Variants in GPRC5B observed in about 807,000 individuals in gnomAD.
GPRC5B encodes G protein-coupled receptor class C group 5 member B.
GPRC5B carries 16 observed loss-of-function variants against 30.1 expected under a neutral mutation model. That is an observed-to-expected ratio of 0.53 (90% CI 0.36 to 0.81). The LOEUF is 0.81. Ranked by LOEUF, GPRC5B falls within the 30% of genes least tolerant of loss-of-function variation. The pLI is 0.01. For missense variants in GPRC5B, 428 were observed against 544.7 expected, an observed-to-expected ratio of 0.79 and a Z score of 2.13; for synonymous variants, 241 against 239.5, an observed-to-expected ratio of 1.01 and a Z score of -0.06.
At position 19,857,392 on chromosome 16, in the gene GPRC5B, T is replaced by A; in HGVS notation, c.*3108A>T. 2.3e-6 allele frequency: 1 copy of A among 426,102 alleles called. No individual in the cohort carries two copies. Among genetic ancestry groups the A allele is most frequent in the Admixed American group, 3.0e-5 (1 of 33,004 alleles). The allele number at this position is 426,102 out of a possible 1,614,324, so 26.4% of individuals were successfully genotyped here. ...TTACAGCCTTTTAAATTTGTAATATTTATATAGTCGTTTATGGTACATATT... is the reference window on the plus strand; with the variant it reads ...TTACAGCCTTTTAAATTTGTAATATATATATAGTCGTTTATGGTACATATT... On this transcript the variant is annotated 3_prime_UTR_variant, in exon 4 of 4. Coordinates refer to ENST00000300571, the MANE Select transcript of GPRC5B (RefSeq NM_016235.3).
chr16:19,864,603 A>T (rs2056652195), intron 2 of GPRC5B, among the ~76,000 whole-genome samples: 2 of 152,268 alleles, frequency 1.3e-5, no homozygotes, highest in Admixed American at 1.3e-4. Flanking sequence ...TGAGCATGTC[A>T]AGGATGGACT....
chr16:19,869,986 G>A (rs1365078079), intron 2 of GPRC5B, among the ~76,000 whole-genome samples: 2 of 152,112 alleles, frequency 1.3e-5, no homozygotes, highest in Admixed American at 1.3e-4. Flanking sequence ...GAGGTGGGAG[G>A]ACTGCTTGGG....
chr16:19,865,289 T>G (rs2056657368), intron 2 of GPRC5B, among the ~76,000 whole-genome samples: 1 of 152,150 alleles, frequency 6.6e-6, no homozygotes, highest in Non-Finnish European at 1.5e-5. Context: ...CACCCAAGGT[T>G]GCTGAAGAGG....
chr16:19,873,379 G>C (rs937580580), intron 1 of GPRC5B, among the ~76,000 whole-genome samples: 4 of 151,272 alleles, frequency 2.6e-5, no homozygotes, highest in East Asian at 2.0e-4. Flanking sequence ...CAGCAGAATT[G>C]CTTGAACCTG....
At chr16:19,867,617 G>A (rs910500430) in intron 2 of GPRC5B, among the ~76,000 whole-genome samples, 2 of 152,296 alleles carry the variant, frequency 1.3e-5, no homozygotes, top group Admixed American at 6.5e-5. Flanking sequence ...TTGAGAATCT[G>A]ACAAAGCCAT....
At chr16:19,860,778 T>A (rs2141136924) in intron 3 of GPRC5B, among the ~76,000 whole-genome samples, 1 of 152,258 alleles carries the variant, frequency 6.6e-6, no homozygotes, top group East Asian at 1.9e-4. Context: ...TTCAACTCAT[T>A]CACTTTCAGT....
intron 2 of GPRC5B, 77 bp from the exon 3 acceptor site, chr16:19,862,050 G>A (rs2056629435): frequency 1.1e-5 from 16 of 1,403,658 alleles, no homozygotes; most frequent in Middle Eastern, 2.0e-4. Flanking sequence ...TGCAACAACA[G>A]CGCGCTCCGG....
At position 19,856,972 on chromosome 16, in the gene GPRC5B, G is replaced by A. The variant is rs559082653; in HGVS notation, c.*3528C>T. On this transcript the variant is annotated 3_prime_UTR_variant, in exon 4 of 4. Transcript: ENST00000300571. ...GAATTTGGTTTTAAGTTTACCTAGT[G>A]ACTGACTACTCTCTTTATAAAAAAG... is the stretch of plus-strand genomic sequence containing the variant. 4 of 168,630 alleles carry A rather than the reference G, an allele frequency of 2.4e-5. No homozygotes were observed. In the South Asian group the frequency reaches 6.4e-4, roughly 27 times the overall value. The allele number at this position is 168,630 out of a possible 1,614,324, so 10.4% of individuals were successfully genotyped here. A position where few individuals can be genotyped will look rare whatever the true frequency, so the allele number is the denominator to read the frequency against.
chr16:19,882,299 G>A (rs1634675), intron 1 of GPRC5B: 23,268 of 152,202 alleles, frequency 0.15, 2,018 homozygotes, highest in Non-Finnish European at 0.19. Context: ...AGCAGCTCCA[G>A]TCCTGTAAAT....
In GPRC5B at chr16:19,861,756, G is replaced by A. The variant is rs926480010; in HGVS notation, c.1167+81C>T. 3.3e-5 allele frequency: 40 copies of A among 1,199,562 alleles called. No homozygotes were observed. The African/African-American group carries it at 5.5e-4, about 17-fold the overall frequency. The allele number at this position is 1,199,562 out of a possible 1,614,324, so 74.3% of individuals were successfully genotyped here. On this transcript the variant is annotated intron_variant, in intron 3 of 3. Coordinates refer to ENST00000300571, the MANE Select transcript of GPRC5B (RefSeq NM_016235.3). Reference sequence around the variant, plus strand: ...AGGCCACATGGGCAGCCTCCATGGAGGAGTATGTCCCTGTTGAAGCTGCTC... The same window carrying A: ...AGGCCACATGGGCAGCCTCCATGGAAGAGTATGTCCCTGTTGAAGCTGCTC...
At chr16:19,884,472 A>G in intron 1 of GPRC5B, among the ~76,000 whole-genome samples, 1 of 149,396 alleles carries the variant, frequency 6.7e-6, no homozygotes, top group Non-Finnish European at 1.5e-5. Flanking sequence ...GTCCGGGCAC[A>G]GTCTCCCTCC....
In GPRC5B at chr16:19,858,451, A is replaced by G. The variant is rs2056591524; in HGVS notation, c.*2049T>C. On this transcript the variant is annotated 3_prime_UTR_variant, in exon 4 of 4. Coordinates refer to ENST00000300571, the MANE Select transcript of GPRC5B (RefSeq NM_016235.3). ...CTCACCTTATATGCTTGGACAATAA[A>G]GAACTTAGAAAACGAACGTGTGAAT... 1 of 671,872 alleles carries G rather than the reference A, an allele frequency of 1.5e-6. No individual in the cohort carries two copies. The highest frequency in any genetic ancestry group is 2.7e-6 in the Non-Finnish European group (1 of 369,638). The allele number at this position is 671,872 out of a possible 1,614,324, so 41.6% of individuals were successfully genotyped here.
At chr16:19,865,292 T>C (rs1013683853) in intron 2 of GPRC5B, among the ~76,000 whole-genome samples, 4 of 152,120 alleles carry the variant, frequency 2.6e-5, no homozygotes, top group Non-Finnish European at 1.5e-5. Context: ...CCAAGGTTGC[T>C]GAAGAGGTGG....
chr16:19,871,124 G>A (rs1323754237), intron 2 of GPRC5B, among the ~76,000 whole-genome samples: 1 of 151,006 alleles, frequency 6.6e-6, no homozygotes. Flanking sequence ...TCTCTAAAAA[G>A]AATAAAAAAA....
rs1057493495 is a variant in GPRC5B, at chr16:19,868,305, G to A, written c.1030+3511C>T. On this transcript the variant is annotated intron_variant, in intron 2 of 3. Coordinates refer to ENST00000300571, the MANE Select transcript of GPRC5B (RefSeq NM_016235.3). ...AGGAGAATTGCTTGAACCTGGAGGCGGAGGTTGTGGTGAGCTGAGATCATG... is the reference window on the plus strand; with the variant it reads ...AGGAGAATTGCTTGAACCTGGAGGCAGAGGTTGTGGTGAGCTGAGATCATG... 3.9e-5 allele frequency among the ~76,000 whole-genome samples: 6 copies of A among 152,084 alleles called. No homozygotes were observed. In the South Asian group the frequency reaches 6.2e-4, roughly 16 times the overall value.
At position 19,872,083 on chromosome 16, in the gene GPRC5B, G is replaced by A. The variant is rs1431962868; in HGVS notation, c.763C>T (p.Leu255Phe). Residue 255 changes from leucine to phenylalanine, a missense_variant, in exon 2 of 4, where the codon CTC (leucine) becomes TTC (phenylalanine). By Grantham distance (22) the Leu-to-Phe change is conservative. This residue lies in a region of GPRC5B where 213 missense variants were observed against 229.1 expected (regional missense o/e 0.93). Coordinates refer to ENST00000300571, the MANE Select transcript of GPRC5B (RefSeq NM_016235.3). This position sits in a 1 kb window ranked among gnomAD's most constrained non-coding sequence, Gnocchi z 5.0. ...TGCTGCAGCTTGACATTGCCGAAGAGGTACATGGTCATCCAGGCCACCCAG... is the reference window on the plus strand; with the variant it reads ...TGCTGCAGCTTGACATTGCCGAAGAAGTACATGGTCATCCAGGCCACCCAG... ...LIWVAWMTMY[L>F]FGNVKLQQGD... 1 of 1,613,980 alleles carries A rather than the reference G, an allele frequency of 6.2e-7. No homozygotes were observed. Among genetic ancestry groups the A allele is most frequent in the East Asian group, 2.2e-5 (1 of 44,876 alleles).
In GPRC5B at chr16:19,858,686, C is replaced by G. The variant is rs2141135240; in HGVS notation, c.*1814G>C. 3 of 481,442 alleles carry G rather than the reference C, an allele frequency of 6.2e-6. No homozygotes were observed. Among genetic ancestry groups the G allele is most frequent in the African/African-American group, 5.9e-5 (3 of 50,422 alleles). The allele number at this position is 481,442 out of a possible 1,614,324, so 29.8% of individuals were successfully genotyped here. On this transcript the variant is annotated 3_prime_UTR_variant, in exon 4 of 4. Coordinates refer to ENST00000300571, the MANE Select transcript of GPRC5B (RefSeq NM_016235.3). ...AGGTCCTAGCTTCATTCCCTCCCACCCCTCCCCAGGACTCTTACGTTTTCT... is the reference window on the plus strand; with the variant it reads ...AGGTCCTAGCTTCATTCCCTCCCACGCCTCCCCAGGACTCTTACGTTTTCT...
intron 1 of GPRC5B, among the ~76,000 whole-genome samples, chr16:19,878,147 C>T (rs1412522222): frequency 6.7e-6 from 1 of 150,010 alleles, no homozygotes. Flanking sequence ...TGCAGTGAGC[C>T]GAGGTCACGC....
At position 19,860,280 on chromosome 16, in the gene GPRC5B, G is replaced by A. The variant is rs566038505; in HGVS notation, c.*220C>T. ...GGGATTGAGGTTGGTCTGGTATTACGTGTCTGTGTGTGTGGCAGGGGAGGG... is the reference window on the plus strand; with the variant it reads ...GGGATTGAGGTTGGTCTGGTATTACATGTCTGTGTGTGTGGCAGGGGAGGG... On this transcript the variant is annotated 3_prime_UTR_variant, in exon 4 of 4. Coordinates refer to ENST00000300571, the MANE Select transcript of GPRC5B (RefSeq NM_016235.3). The A allele has an allele frequency of 2.0e-4, 113 of 553,520 alleles. No individual in the cohort carries two copies. The highest frequency in any genetic ancestry group is 3.8e-4 in the African/African-American group (20 of 52,544). 34.3% of individuals were successfully genotyped at this position (553,520 alleles called of 1,614,324 possible).
Sources: allele counts gnomAD v4.1 joint callset (sites outside exome capture counted in the v4.1 genomes callset), GRCh38; gene constraint gnomAD v4.1.1; regional missense constraint gnomAD v4.1.1; non-coding constraint Gnocchi (gnomAD v3.1); transcripts MANE v1.5; gene names NCBI Gene and HGNC (gene_info 2026-07-23, HGNC 2026-07-21).